NUMB: variants seen among roughly 807,000 people sequenced by gnomAD.
NUMB encodes the protein NUMB endocytic adaptor protein, also known as protein numb homolog.
Under a neutral mutation model 59.7 loss-of-function variants are expected in NUMB, and 29 were observed. The ratio of observed to expected loss-of-function variants is 0.49; its 90% CI spans 0.36 to 0.66. The LOEUF is 0.66. NUMB is among the 30% of genes least tolerant of loss of function. NUMB has a pLI of 0.00. For synonymous variants in NUMB, 288 were observed against 288.2 expected (o/e 1.00, Z 0.01); for missense variants, 723 against 822.0 (o/e 0.88, Z 1.47).
intron 6 of NUMB, among the ~76,000 whole-genome samples, chr14:73,308,714 C>A (rs536216331): frequency 6.6e-6 from 1 of 152,302 alleles, no homozygotes; most frequent in Non-Finnish European, 1.5e-5. Flanking sequence ...AGCCATCACA[C>A]TGTGGATGAG....
chr14:73,316,969 ACTTT>A (rs1212887143), intron 5 of NUMB, among the ~76,000 whole-genome samples: 1 of 152,210 alleles, frequency 6.6e-6, no homozygotes, highest in Non-Finnish European at 1.5e-5. Flanking sequence ...TCCTTGTCAT[ACTTT>A]TTTCTTAGTG....
intron 4 of NUMB, among the ~76,000 whole-genome samples, chr14:73,334,048 G>T (rs114078261): frequency 0.027 from 4,024 of 148,346 alleles, 86 homozygotes; most frequent in Non-Finnish European, 0.037. Flanking sequence ...GGGGTTTTTT[G>T]TGTGTGTGTG....
chr14:73,295,639 G>T lies in NUMB; in HGVS notation c.309+1572C>A, dbSNP rs1317253478. Among the ~76,000 whole-genome samples the T allele has an allele frequency of 6.6e-5, 10 of 151,960 alleles. No individual in the cohort carries two copies. The South Asian group carries it at 1.9e-3, about 28-fold the overall frequency. On this transcript the variant is annotated intron_variant, in intron 7 of 12. Coordinates refer to ENST00000555238, the MANE Select transcript of NUMB (RefSeq NM_001005743.2). ...ATATTAAACCACTTGAAATTTACCA[G>T]GCAAGTTGCCTATCAAAACTGCTTT...
chr14:73,276,308 T>A lies in NUMB; in HGVS notation c.*270A>T, dbSNP rs1006751430. The A allele has an allele frequency of 5.6e-6, 2 of 360,220 alleles. No homozygotes were observed. The highest frequency in any genetic ancestry group is 1.0e-5 in the Non-Finnish European group (2 of 197,552). 22.3% of individuals were successfully genotyped at this position (360,220 alleles called of 1,614,324 possible). ...TACTTTGCCTCTCTGTTGCCAGAGA[T>A]TTGTAAGGGGGTAAGGGAAGAGGGA... On this transcript the variant is annotated 3_prime_UTR_variant, in exon 13 of 13. Transcript: ENST00000555238.
At chr14:73,437,999 C>G (rs1414548772) in intron 1 of NUMB, among the ~76,000 whole-genome samples, 1 of 152,164 alleles carries the variant, frequency 6.6e-6, no homozygotes, top group Non-Finnish European at 1.5e-5. Flanking sequence ...TATTTCCTAT[C>G]AAATTTGCAA....
At chr14:73,410,776 A>T (rs917487855) in intron 1 of NUMB, among the ~76,000 whole-genome samples, 3 of 152,216 alleles carry the variant, frequency 2.0e-5, no homozygotes, top group Non-Finnish European at 4.4e-5. Flanking sequence ...TATGATTTAC[A>T]TGAACTCTAA....
chr14:73,297,622 C>T (rs551655269), intron 6 of NUMB: 2 of 191,422 alleles, frequency 1.0e-5, no homozygotes, highest in East Asian at 1.4e-4. Flanking sequence ...AAAAAATCAA[C>T]CAAGAAAACC....
rs575794180 is a variant in NUMB at position 73,358,059 on chromosome 14, C to T, written c.-15-2293G>A. Among the ~76,000 whole-genome samples, 3 of 152,218 alleles carry T rather than the reference C, an allele frequency of 2.0e-5. No homozygotes were observed. In the East Asian group the frequency reaches 5.8e-4, roughly 29 times the overall value. ...AGCCTTTCTCTGGCCTGATTTTACC[C>T]GGACTGATTTTACCTCCTTAGTAGC... On this transcript the variant is annotated intron_variant, in intron 3 of 12. Transcript: ENST00000555238.
At chr14:73,453,342 G>A (rs926148017) in intron 1 of NUMB, among the ~76,000 whole-genome samples, 1 of 152,002 alleles carries the variant, frequency 6.6e-6, no homozygotes, top group Non-Finnish European at 1.5e-5. Flanking sequence ...ATGTTGGTCA[G>A]GCTGGTCTCA....
chr14:73,389,386 G>C (rs1458423559), intron 2 of NUMB, among the ~76,000 whole-genome samples: 1 of 150,742 alleles, frequency 6.6e-6, no homozygotes, highest in Non-Finnish European at 1.5e-5. Flanking sequence ...AGGTTGGAGT[G>C]CAGTGGCACC....
At chr14:73,375,115 T>C (rs896539674) in intron 2 of NUMB, among the ~76,000 whole-genome samples, 1 of 152,174 alleles carries the variant, frequency 6.6e-6, no homozygotes, top group African/African-American at 2.4e-5. Flanking sequence ...TTTTATCCTA[T>C]TCAAGTCACA....
chr14:73,309,542 A>G (rs982888056), intron 6 of NUMB, among the ~76,000 whole-genome samples: 6 of 151,992 alleles, frequency 3.9e-5, no homozygotes, highest in African/African-American at 1.5e-4. Context: ...GGACACAGGG[A>G]GGGGAACACC....
intron 2 of NUMB, among the ~76,000 whole-genome samples, chr14:73,378,020 T>TACACACACAC (rs760071335): frequency 6.1e-4 from 82 of 134,094 alleles, no homozygotes; most frequent in Non-Finnish European, 1.0e-3. Context: ...CACACACACA[T>TACACACACAC]ACACACACAC....
chr14:73,372,365 T>TTATATATATATATATAACCTTTTA (rs1894748011), intron 2 of NUMB, among the ~76,000 whole-genome samples: 2 of 123,208 alleles, frequency 1.6e-5, no homozygotes, highest in Non-Finnish European at 3.3e-5. Flanking sequence ...ATATAACCTT[T>TTATATATATATATATAACCTTTTA]TATATATATA....
intron 4 of NUMB, among the ~76,000 whole-genome samples, chr14:73,346,074 C>T (rs1462223418): frequency 6.6e-6 from 1 of 152,016 alleles, no homozygotes; most frequent in Non-Finnish European, 1.5e-5. Flanking sequence ...ATTTAATACT[C>T]GGCTTAGAAC....
chr14:73,345,352 G>A (rs1320049988), intron 4 of NUMB, among the ~76,000 whole-genome samples: 1 of 152,076 alleles, frequency 6.6e-6, no homozygotes, highest in East Asian at 1.9e-4. Flanking sequence ...ACTTGAGGTG[G>A]GAGGGTGATG....
intron 11 of NUMB, 50 bp from the exon 12 acceptor site, chr14:73,279,474 C>A (rs763188848): frequency 6.6e-7 from 1 of 1,515,120 alleles, no homozygotes; most frequent in East Asian, 2.3e-5. Flanking sequence ...GCAGGGTGTA[C>A]AAGTGACCCC....
chr14:73,428,733 G>A (rs1897692819), intron 1 of NUMB, among the ~76,000 whole-genome samples: 1 of 152,144 alleles, frequency 6.6e-6, no homozygotes, highest in Non-Finnish European at 1.5e-5. Flanking sequence ...TTGAGCTTGA[G>A]CTCAGGAGTT....
chr14:73,451,223 G>C (rs947238877), intron 1 of NUMB, among the ~76,000 whole-genome samples: 4 of 150,324 alleles, frequency 2.7e-5, no homozygotes, highest in African/African-American at 9.8e-5. Context: ...AGATCACGAG[G>C]TCAGGAGTTC....
Sources: allele counts gnomAD v4.1 joint callset (sites outside exome capture counted in the v4.1 genomes callset), GRCh38; gene constraint gnomAD v4.1.1; transcripts MANE v1.5; gene names NCBI Gene and HGNC (gene_info 2026-07-23, HGNC 2026-07-21).